The following PDE4B variants were observed in gnomAD, a reference collection of about 807,000 sequenced individuals.
PDE4B encodes 3',5'-cyclic-AMP phosphodiesterase 4B.
In PDE4B, 20 loss-of-function variants were observed where a neutral mutation model predicts 82.2. The observed-to-expected ratio is 0.24, with a 90% CI of 0.17 to 0.35. The LOEUF is 0.35. Among genes scored for constraint, PDE4B ranks in the 10% least tolerant of loss-of-function variants. The pLI is 1.00. For missense variants in PDE4B, 655 were observed against 907.2 expected, an observed-to-expected ratio of 0.72 and a Z score of 3.57; for synonymous variants, 320 against 318.9, an observed-to-expected ratio of 1.00 and a Z score of -0.04.
chr1:65,876,693 TTAA>T (rs1189328344), intron 1 of PDE4B, among the ~76,000 whole-genome samples: 2 of 152,192 alleles, frequency 1.3e-5, no homozygotes, highest in Non-Finnish European at 2.9e-5. Flanking sequence ...TATAGAATTA[TTAA>T]TAACTGTTAC....
chr1:65,935,945 A>C (rs1010022953), intron 3 of PDE4B, among the ~76,000 whole-genome samples: 19 of 152,094 alleles, frequency 1.2e-4, no homozygotes, highest in African/African-American at 4.6e-4. Flanking sequence ...CTCAAAAAAA[A>C]CAAAACAACA....
intron 3 of PDE4B, among the ~76,000 whole-genome samples, chr1:66,023,321 TC>T (rs1382088979): frequency 6.6e-6 from 1 of 152,186 alleles, no homozygotes; most frequent in Non-Finnish European, 1.5e-5. Context: ...ATTTTTGGGT[TC>T]CTCAAAGTTT....
chr1:66,276,713 T>C (rs1255159929), intron 7 of PDE4B, among the ~76,000 whole-genome samples: 1 of 152,216 alleles, frequency 6.6e-6, no homozygotes, highest in Non-Finnish European at 1.5e-5. Context: ...CTGAGGATGC[T>C]GTGATGAAGA....
intron 1 of PDE4B, among the ~76,000 whole-genome samples, chr1:65,846,705 T>G (rs933634843): frequency 6.6e-6 from 1 of 152,212 alleles, no homozygotes; most frequent in Admixed American, 6.5e-5. Flanking sequence ...TTCTGAAAGC[T>G]CTAGAATTCT....
At chr1:65,842,332 T>C (rs893727402) in intron 1 of PDE4B, among the ~76,000 whole-genome samples, 2 of 152,142 alleles carry the variant, frequency 1.3e-5, no homozygotes, top group African/African-American at 4.8e-5. Context: ...AATTCATATA[T>C]GAAAGAGTTG....
chr1:65,983,185 T>C (rs968254387), intron 3 of PDE4B, among the ~76,000 whole-genome samples: 2 of 152,228 alleles, frequency 1.3e-5, no homozygotes, highest in African/African-American at 4.8e-5. Flanking sequence ...ATCAGATAAC[T>C]CATTGTCTGG....
chr1:66,210,212 G>C (rs1323542751), intron 3 of PDE4B, among the ~76,000 whole-genome samples: 1 of 152,142 alleles, frequency 6.6e-6, no homozygotes, highest in Non-Finnish European at 1.5e-5. Flanking sequence ...TAGAGTCAGT[G>C]ATCTTTTATT....
At chr1:66,054,853 A>G (rs1655217559) in intron 3 of PDE4B, among the ~76,000 whole-genome samples, 1 of 152,054 alleles carries the variant, frequency 6.6e-6, no homozygotes, top group Non-Finnish European at 1.5e-5. Context: ...TCAAAGTGTT[A>G]TTGTTTCCCT....
At chr1:65,882,484 T>C (rs942264334) in intron 1 of PDE4B, among the ~76,000 whole-genome samples, 1 of 152,210 alleles carries the variant, frequency 6.6e-6, no homozygotes, top group African/African-American at 2.4e-5. Context: ...TATTCTCTAA[T>C]ATGAACCTGG....
At chr1:66,130,226 C>G (rs1325651116) in intron 3 of PDE4B, among the ~76,000 whole-genome samples, 1 of 152,176 alleles carries the variant, frequency 6.6e-6, no homozygotes, top group Admixed American at 6.5e-5. Flanking sequence ...AAAAGTTTAG[C>G]TTGGGCAATT....
chr1:66,270,441 G>T (rs994177927), intron 7 of PDE4B, among the ~76,000 whole-genome samples: 1 of 152,080 alleles, frequency 6.6e-6, no homozygotes, highest in East Asian at 1.9e-4. Context: ...TGGACAAGAG[G>T]GTCAGTGAGT....
chr1:66,133,045 T>G (rs1477184871), intron 3 of PDE4B, among the ~76,000 whole-genome samples: 3 of 152,266 alleles, frequency 2.0e-5, no homozygotes, highest in South Asian at 2.1e-4. Flanking sequence ...AGGGCATGCA[T>G]CAAGGACAAG....
At chr1:65,840,050 G>C (rs1646189166) in intron 1 of PDE4B, among the ~76,000 whole-genome samples, 2 of 152,126 alleles carry the variant, frequency 1.3e-5, no homozygotes, top group African/African-American at 2.4e-5. Context: ...AGTGAAGTTA[G>C]TATGTGTAAA....
intron 3 of PDE4B, among the ~76,000 whole-genome samples, chr1:66,037,783 T>A (rs1261934205): frequency 6.6e-6 from 1 of 152,154 alleles, no homozygotes; most frequent in Non-Finnish European, 1.5e-5. Flanking sequence ...TAAAAATGTT[T>A]TTAAAATTTT....
intron 1 of PDE4B, among the ~76,000 whole-genome samples, chr1:65,883,172 G>GT (rs1397101564): frequency 6.6e-5 from 10 of 152,144 alleles, no homozygotes; most frequent in Non-Finnish European, 1.2e-4. Context: ...CTTTAAAGTA[G>GT]TTTTTTCCAA....
chr1:65,909,588 T>C (rs542530230), intron 1 of PDE4B, among the ~76,000 whole-genome samples: 1 of 152,294 alleles, frequency 6.6e-6, no homozygotes, highest in Non-Finnish European at 1.5e-5. Flanking sequence ...TAAAAGCATC[T>C]TTTAAGTGGT....
intron 3 of PDE4B, among the ~76,000 whole-genome samples, chr1:66,037,489 G>A (rs185394811): frequency 6.6e-6 from 1 of 152,006 alleles, no homozygotes; most frequent in African/African-American, 2.4e-5. Flanking sequence ...TACTGAATTT[G>A]TTTTTCAGTT....
At chr1:66,263,330 A>G (rs1007995235) in intron 6 of PDE4B, among the ~76,000 whole-genome samples, 1 of 152,254 alleles carries the variant, frequency 6.6e-6, no homozygotes, top group Admixed American at 6.5e-5. Context: ...CATAAAGAGA[A>G]GAAAAGTATC....
chr1:66,363,843 C>A (rs1663016848), intron 12 of PDE4B, among the ~76,000 whole-genome samples: 1 of 152,112 alleles, frequency 6.6e-6, no homozygotes, highest in African/African-American at 2.4e-5. Context: ...TGTAATTAGA[C>A]CACCCTGCAT....
Sources: allele counts gnomAD v4.1 joint callset (sites outside exome capture counted in the v4.1 genomes callset), GRCh38; gene constraint gnomAD v4.1.1; transcripts MANE v1.5; gene names NCBI Gene and HGNC (gene_info 2026-07-23, HGNC 2026-07-21).